SORCS1: variants seen among roughly 807,000 people sequenced by gnomAD.
SORCS1 encodes the protein sortilin related VPS10 domain containing receptor 1.
SORCS1 carries 60 observed loss-of-function variants against 146.1 expected under a neutral mutation model. The observed-to-expected ratio is 0.41, with a 90% CI of 0.33 to 0.51. The LOEUF is 0.51. SORCS1 is among the 20% of genes least tolerant of loss of function. The pLI is 0.21. For missense variants in SORCS1, 1,352 were observed against 1,487.6 expected (o/e 0.91, Z 1.50); for synonymous variants, 637 against 584.0 (o/e 1.09, Z -1.31).
chr10:106,706,550 G>C lies in SORCS1; in HGVS notation c.1228C>G (p.Pro410Ala), dbSNP rs1326516907. Residue 410 changes from proline (P) to alanine (A), a missense_variant, in exon 8 of 26, where the codon CCC (proline) becomes GCC (alanine). Coordinates refer to ENST00000263054, the MANE Select transcript of SORCS1 (RefSeq NM_052918.5). ...AQMKLPKYAL[P>A]KDMHVISTDE... ...GAAAGTGATTTAGGCCATACCTTGGGCAAAGCATATTTCGGAAGCTTCATT... is the reference window on the plus strand; with the variant it reads ...GAAAGTGATTTAGGCCATACCTTGGCCAAAGCATATTTCGGAAGCTTCATT... 1 of 1,613,970 alleles carries C rather than the reference G, an allele frequency of 6.2e-7. No individual in the cohort carries two copies. The highest frequency in any genetic ancestry group is 1.3e-5 in the African/African-American group (1 of 74,940).
At chr10:106,579,053 C>G in intron 25 of SORCS1, 1 of 1,609,176 alleles carries the variant, frequency 6.2e-7, no homozygotes, top group South Asian at 1.1e-5. Context: ...CCATTGCCTA[C>G]TCAGCCGAAC....
chr10:107,057,935 C>T (rs1031065345), intron 1 of SORCS1, among the ~76,000 whole-genome samples: 18 of 152,224 alleles, frequency 1.2e-4, no homozygotes, highest in Non-Finnish European at 2.2e-4. Flanking sequence ...CCTGTGGCTG[C>T]AGCCTCCCAA....
chr10:106,748,721 C>T (rs1857930414), intron 5 of SORCS1, among the ~76,000 whole-genome samples: 1 of 152,146 alleles, frequency 6.6e-6, no homozygotes, highest in African/African-American at 2.4e-5. Flanking sequence ...GCTGTCTCTG[C>T]TCTGTGGTCA....
chr10:106,830,427 ATC>A (rs1343939053), intron 2 of SORCS1, among the ~76,000 whole-genome samples: 1 of 152,204 alleles, frequency 6.6e-6, no homozygotes, highest in Non-Finnish European at 1.5e-5. Flanking sequence ...AGGGATTATT[ATC>A]TGTCTTTGAT....
At chr10:106,809,960 C>T (rs1947376800) in intron 3 of SORCS1, among the ~76,000 whole-genome samples, 1 of 152,194 alleles carries the variant, frequency 6.6e-6, no homozygotes, top group African/African-American at 2.4e-5. Context: ...GTGGCCCACG[C>T]CTGTAATCCC....
chr10:107,074,747 G>A (rs912272208), intron 1 of SORCS1, among the ~76,000 whole-genome samples: 4 of 152,092 alleles, frequency 2.6e-5, no homozygotes, highest in African/African-American at 9.7e-5. Context: ...TCTCATACAT[G>A]TGTAGTGGTA....
In SORCS1 at chr10:106,586,229, A is replaced by C. The variant is rs76527139; in HGVS notation, c.3266-6755T>G. Among the ~76,000 whole-genome samples the C allele has an allele frequency of 8.0e-3, 1,213 of 152,246 alleles. 19 individuals carry two copies. The highest frequency in any genetic ancestry group is 0.028 in the African/African-American group (1,148 of 41,534). ...TAAGAAGACCATACATATTATTTTCAAAGATAAGACACTTTAAGAATGAAA... is the reference window on the plus strand; with the variant it reads ...TAAGAAGACCATACATATTATTTTCCAAGATAAGACACTTTAAGAATGAAA... On this transcript the variant is annotated intron_variant, in intron 24 of 25. Transcript: ENST00000263054.
At chr10:106,995,869 C>A (rs73378414) in intron 1 of SORCS1, among the ~76,000 whole-genome samples, 8,245 of 152,002 alleles carry the variant, frequency 0.054, 627 homozygotes, top group African/African-American at 0.17. Flanking sequence ...AACAAGGGAA[C>A]CTGGCAAATG....
At chr10:106,849,447 A>C (rs1479814305) in intron 2 of SORCS1, among the ~76,000 whole-genome samples, 1 of 144,674 alleles carries the variant, frequency 6.9e-6, no homozygotes, top group South Asian at 2.3e-4. Context: ...CAGCTCCTTT[A>C]AGCACTTCTC....
chr10:107,072,525 C>T (rs1008281992), intron 1 of SORCS1, among the ~76,000 whole-genome samples: 2 of 151,808 alleles, frequency 1.3e-5, no homozygotes, highest in East Asian at 1.9e-4. Context: ...ACACAAATTC[C>T]CTGCTCTCTG....
At chr10:106,623,891 C>T (rs1300715677) in intron 19 of SORCS1, among the ~76,000 whole-genome samples, 1 of 152,074 alleles carries the variant, frequency 6.6e-6, no homozygotes, top group Non-Finnish European at 1.5e-5. Flanking sequence ...ACCATGTTGG[C>T]CAGGCTGGTC....
At chr10:106,989,304 T>TG (rs1956640466) in intron 1 of SORCS1, among the ~76,000 whole-genome samples, 1 of 107,430 alleles carries the variant, frequency 9.3e-6, no homozygotes, top group Non-Finnish European at 2.1e-5. Flanking sequence ...AAAAGAATAC[T>TG]CCAATGCCTT....
chr10:106,759,911 C>T (rs1258252880), intron 5 of SORCS1, among the ~76,000 whole-genome samples: 5 of 22,574 alleles, frequency 2.2e-4, no homozygotes, highest in Non-Finnish European at 3.9e-4. Flanking sequence ...GCATAATAAA[C>T]TGCATCCCTC....
chr10:107,033,343 G>C (rs1373910193), intron 1 of SORCS1, among the ~76,000 whole-genome samples: 1 of 152,126 alleles, frequency 6.6e-6, no homozygotes, highest in Admixed American at 6.5e-5. Flanking sequence ...AATGAGATTT[G>C]AGTGGGGACG....
At chr10:106,605,033 A>G (rs1438608914) in intron 23 of SORCS1, among the ~76,000 whole-genome samples, 1 of 152,258 alleles carries the variant, frequency 6.6e-6, no homozygotes, top group African/African-American at 2.4e-5. Flanking sequence ...GTTGATATTT[A>G]CGTAAACCTG....
intron 3 of SORCS1, among the ~76,000 whole-genome samples, chr10:106,824,130 C>T (rs1342323553): frequency 1.3e-5 from 2 of 151,132 alleles, no homozygotes; most frequent in East Asian, 3.9e-4. Flanking sequence ...ATGGTGAAAT[C>T]CCATCTCTAC....
chr10:106,765,323 G>A (rs540906546), intron 4 of SORCS1, among the ~76,000 whole-genome samples: 1 of 151,750 alleles, frequency 6.6e-6, no homozygotes, highest in Non-Finnish European at 1.5e-5. Flanking sequence ...ATGCTACTCT[G>A]GGGCTATTAG....
intron 16 of SORCS1, among the ~76,000 whole-genome samples, chr10:106,668,426 C>T (rs760018847): frequency 2.8e-4 from 42 of 152,234 alleles, no homozygotes; most frequent in Non-Finnish European, 4.4e-4. Flanking sequence ...CCTCTCTCTA[C>T]TTCGGAAATA....
At chr10:106,627,025 T>C (rs1848154818) in intron 19 of SORCS1, among the ~76,000 whole-genome samples, 1 of 152,080 alleles carries the variant, frequency 6.6e-6, no homozygotes, top group East Asian at 1.9e-4. Context: ...AATGAAAGAA[T>C]TGCAAATGAA....
Sources: allele counts gnomAD v4.1 joint callset (sites outside exome capture counted in the v4.1 genomes callset), GRCh38; gene constraint gnomAD v4.1.1; transcripts MANE v1.5; gene names NCBI Gene and HGNC (gene_info 2026-07-23, HGNC 2026-07-21).